NHSL1: variants seen among roughly 807,000 people sequenced by gnomAD.
NHSL1 encodes NHS-like protein 1.
NHSL1 carries 48 observed loss-of-function variants against 95.0 expected under a neutral mutation model. That is an observed-to-expected ratio of 0.51 (90% CI 0.40 to 0.64). The LOEUF (loss-of-function observed/expected upper bound fraction) is 0.64, where lower values mean the gene tolerates loss of function less well. Among genes scored for constraint, NHSL1 ranks in the 30% least tolerant of loss-of-function variants. The pLI, the probability that NHSL1 is intolerant of heterozygous loss-of-function variation, is 0.00. For synonymous variants in NHSL1, 783 were observed against 833.9 expected (o/e 0.94, Z 1.05); for missense variants, 1,971 against 2,077.7 (o/e 0.95, Z 1.00).
chr6:138,679,290 G>A lies in NHSL1; in HGVS notation c.96+13186C>T, dbSNP rs373307571. On this transcript the variant is annotated intron_variant, in intron 1 of 3. Coordinates refer to the NHSL1 transcript ENST00000491526. Reference sequence around the variant, plus strand: ...CTCCACATGCTTTTTAAGAGGAAAAGAGAAACATCACTTCAAAGAAAAAAA... The same window carrying A: ...CTCCACATGCTTTTTAAGAGGAAAAAAGAAACATCACTTCAAAGAAAAAAA... 9.9e-4 allele frequency among the ~76,000 whole-genome samples: 150 copies of A among 152,230 alleles called. 6 individuals are homozygous for A. In the South Asian group the frequency reaches 0.03, roughly 31 times the overall value.
intron 1 of NHSL1, among the ~76,000 whole-genome samples, chr6:138,680,422 A>C (rs1233098329): frequency 3.9e-5 from 6 of 152,336 alleles, no homozygotes; most frequent in Admixed American, 2.0e-4. Flanking sequence ...TAGCAAATGA[A>C]GTCACCATCT....
At chr6:138,528,993 G>A (rs1331577447) in intron 1 of NHSL1, among the ~76,000 whole-genome samples, 1 of 152,162 alleles carries the variant, frequency 6.6e-6, no homozygotes, top group African/African-American at 2.4e-5. Flanking sequence ...AAAACACTTG[G>A]AAAAATTGAG....
intron 3 of NHSL1, among the ~76,000 whole-genome samples, chr6:138,469,585 C>T (rs56269651): frequency 0.12 from 18,410 of 151,856 alleles, 1,150 homozygotes; most frequent in Middle Eastern, 0.16. Context: ...ATCAGCTGGG[C>T]GTGGTGATGT....
intron 1 of NHSL1, among the ~76,000 whole-genome samples, chr6:138,524,081 A>G (rs1781802587): frequency 1.3e-5 from 2 of 152,144 alleles, no homozygotes; most frequent in Non-Finnish European, 2.9e-5. Context: ...TAAGCTTGCC[A>G]AGTGGTGGGG....
intron 1 of NHSL1, among the ~76,000 whole-genome samples, chr6:138,542,817 G>A (rs1033127561): frequency 6.6e-6 from 1 of 152,172 alleles, no homozygotes; most frequent in Admixed American, 6.5e-5. Context: ...AGGCTAGAGT[G>A]CAGGGGCACA....
At chr6:138,645,774 G>C (rs1236960788) in intron 1 of NHSL1, among the ~76,000 whole-genome samples, 1 of 152,088 alleles carries the variant, frequency 6.6e-6, no homozygotes, top group Non-Finnish European at 1.5e-5. Flanking sequence ...CCAAAGTGCT[G>C]GGATTACAGG....
At chr6:138,673,460 A>AG (rs1785408336) in intron 1 of NHSL1, among the ~76,000 whole-genome samples, 2 of 60,388 alleles carry the variant, frequency 3.3e-5, no homozygotes, top group African/African-American at 8.6e-5. Flanking sequence ...TTACAGCTAC[A>AG]AAAAAAAAAA....
upstream of NHSL1, chr6:138,545,830 C>G (rs969413069): frequency 1.7e-6 from 2 of 1,168,038 alleles, no homozygotes; most frequent in African/African-American, 3.2e-5. Context: ...ACCTCCCTAT[C>G]TCTCCTGGGT....
Position 138,424,033 on chromosome 6 carries a change from C to T in NHSL1, c.*48G>A. 7.4e-7 allele frequency: 1 copy of T among 1,345,672 alleles called. No homozygotes were observed. The highest frequency in any genetic ancestry group is 9.5e-7 in the Non-Finnish European group (1 of 1,051,806). 83.4% of individuals were successfully genotyped at this position (1,345,672 alleles called of 1,614,324 possible). ...GCCTAGCAGGCTTCCTAGAGTGCTGCATTGCTCGTCTCCCCCCGTGTCACC... is the reference window on the plus strand; with the variant it reads ...GCCTAGCAGGCTTCCTAGAGTGCTGTATTGCTCGTCTCCCCCCGTGTCACC... On this transcript the variant is annotated 3_prime_UTR_variant, in exon 8 of 8. Coordinates refer to ENST00000343505, the MANE Select transcript of NHSL1 (RefSeq NM_001144060.2). This position sits in a 1 kb window ranked among gnomAD's most constrained non-coding sequence, Gnocchi z 5.9.
At chr6:138,676,254 T>A (rs1256362038) in intron 1 of NHSL1, among the ~76,000 whole-genome samples, 1 of 152,116 alleles carries the variant, frequency 6.6e-6, no homozygotes, top group Admixed American at 6.6e-5. Flanking sequence ...AACCTCAAAA[T>A]AACCCAATTA....
At chr6:138,470,634 A>G (rs559793057) in intron 3 of NHSL1, 1 of 152,350 alleles carries the variant, frequency 6.6e-6, no homozygotes, top group Admixed American at 6.5e-5. Flanking sequence ...AAAATTTTAT[A>G]GCAGCAAAGA....
At chr6:138,650,782 C>T (rs532025286) in intron 1 of NHSL1, 1 of 543,592 alleles carries the variant, frequency 1.8e-6, no homozygotes, top group Admixed American at 1.9e-5. Context: ...TTCATATCAC[C>T]CTTGTTGGAA....
chr6:138,654,312 T>C (rs753191538), intron 1 of NHSL1, among the ~76,000 whole-genome samples: 6 of 152,212 alleles, frequency 3.9e-5, no homozygotes, highest in Admixed American at 6.5e-5. Flanking sequence ...GAAAAGGATG[T>C]GGGAAAATGT....
At chr6:138,640,645 T>C (rs1162968004) in intron 1 of NHSL1, among the ~76,000 whole-genome samples, 4 of 152,212 alleles carry the variant, frequency 2.6e-5, no homozygotes, top group Non-Finnish European at 4.4e-5. Flanking sequence ...AGTATATATG[T>C]AACATGCAAA....
rs139432142 is a variant in NHSL1, at chr6:138,518,470, G to C, written c.17-22099C>G. Among the ~76,000 whole-genome samples, 916 of 130,294 alleles carry C rather than the reference G, an allele frequency of 7.0e-3. 23 individuals are homozygous for C. Among genetic ancestry groups the C allele is most frequent in the Admixed American group, 0.062 (708 of 11,388 alleles). 85.5% of individuals were successfully genotyped at this position (130,294 alleles called of 152,430 possible). A position where few individuals can be genotyped will look rare whatever the true frequency, so the allele number is the denominator to read the frequency against. ...TAGAAGTGAGGGTAGAACGTCCACA[G>C]GAATGATTTTTTTTTTTTTTTTTTT... On this transcript the variant is annotated intron_variant, in intron 1 of 4. Coordinates refer to the NHSL1 transcript ENST00000342260.
intron 1 of NHSL1, among the ~76,000 whole-genome samples, chr6:138,621,484 T>C (rs78613062): frequency 0.051 from 7,602 of 148,682 alleles, 439 homozygotes; most frequent in African/African-American, 0.14. Flanking sequence ...TTTTTTTTTT[T>C]CCCCCCAAGA....
chr6:138,617,784 T>A (rs1784600838), intron 1 of NHSL1, among the ~76,000 whole-genome samples: 1 of 152,106 alleles, frequency 6.6e-6, no homozygotes. Flanking sequence ...ACAGGCTGAG[T>A]CCCATGGAAC....
intron 1 of NHSL1, among the ~76,000 whole-genome samples, chr6:138,599,074 T>C (rs1361389458): frequency 6.6e-6 from 1 of 152,164 alleles, no homozygotes; most frequent in Non-Finnish European, 1.5e-5. Flanking sequence ...ATTTGGATCC[T>C]ATTTGTCTGT....
chr6:138,689,366 C>T (rs1329605762), intron 1 of NHSL1, among the ~76,000 whole-genome samples: 1 of 152,074 alleles, frequency 6.6e-6, no homozygotes, highest in Non-Finnish European at 1.5e-5. Context: ...CTTCAATGAA[C>T]AGAATAATAA....
Sources: allele counts gnomAD v4.1 joint callset (sites outside exome capture counted in the v4.1 genomes callset), GRCh38; gene constraint gnomAD v4.1.1; non-coding constraint Gnocchi (gnomAD v3.1); transcripts MANE v1.5; gene names NCBI Gene and HGNC (gene_info 2026-07-23, HGNC 2026-07-21).